The following PHC2 variants were observed in gnomAD, a reference collection of about 807,000 sequenced individuals.
PHC2 encodes the protein polyhomeotic homolog 2.
A neutral mutation model predicts 87.4 loss-of-function variants in PHC2; 29 were observed. The observed-to-expected ratio is 0.33, with a 90% CI of 0.25 to 0.45. PHC2 has a LOEUF of 0.45. Among genes scored for constraint, PHC2 ranks in the 20% least tolerant of loss-of-function variants. The pLI is 1.00. For missense variants in PHC2, 857 were observed against 1,136.7 expected (o/e 0.75, Z 3.54); for synonymous variants, 438 against 461.7 (o/e 0.95, Z 0.66).
chr1:33,349,551 C>T lies in PHC2; in HGVS notation c.1558+4850G>A, dbSNP rs1004749333. ...ACTTCCAGTGCGGCGAGCGCGGCCCCCGGCCTCCCTACTGGCGAGAACCCC... is the reference window on the plus strand; with the variant it reads ...ACTTCCAGTGCGGCGAGCGCGGCCCTCGGCCTCCCTACTGGCGAGAACCCC... On this transcript the variant is annotated intron_variant, in intron 9 of 14. Transcript: ENST00000683057. This position sits in a 1 kb window ranked among gnomAD's most constrained non-coding sequence, Gnocchi z 4.2. 3.5e-5 allele frequency: 34 copies of T among 982,668 alleles called. No homozygotes were observed. The highest frequency in any genetic ancestry group is 4.1e-5 in the Non-Finnish European group (34 of 827,848). The allele number at this position is 982,668 out of a possible 1,614,324, so 60.9% of individuals were successfully genotyped here. A position where few individuals can be genotyped will look rare whatever the true frequency, so the allele number is the denominator to read the frequency against.
intron 1 of PHC2, among the ~76,000 whole-genome samples, chr1:33,379,703 T>C (rs1648396491): frequency 6.6e-6 from 1 of 150,626 alleles, no homozygotes; most frequent in South Asian, 2.1e-4. Flanking sequence ...CTTGGCTCTC[T>C]GGAATACGAG....
chr1:33,356,141 C>T (rs1279833761), intron 7 of PHC2, among the ~76,000 whole-genome samples: 2 of 151,382 alleles, frequency 1.3e-5, no homozygotes, highest in East Asian at 3.9e-4. Flanking sequence ...ATCTCTTTTT[C>T]CAGAACCTAC....
At position 33,356,276 on chromosome 1, in the gene PHC2, T is replaced by TATATATATATATATATATATATATAC. The variant is rs1557831073; in HGVS notation, c.977-1024_977-1023insGTATATATATATATATATATATATAT. Reference sequence around the variant, plus strand: ...ATATATATATATATATATATATATATGTATATATATATATATATTTATTTA... The same window carrying TATATATATATATATATATATATATAC: ...ATATATATATATATATATATATATATATATATATATATATATATATATATACGTATATATATATATATATTTATTTA... On this transcript the variant is annotated intron_variant, in intron 7 of 14. Transcript: ENST00000683057. 1.3e-3 allele frequency among the ~76,000 whole-genome samples: 75 copies of TATATATATATATATATATATATATAC among 59,370 alleles called. 2 individuals are homozygous for TATATATATATATATATATATATATAC. The highest frequency in any genetic ancestry group is 3.0e-3 in the East Asian group (7 of 2,308). 38.9% of individuals were successfully genotyped at this position (59,370 alleles called of 152,430 possible).
At chr1:33,363,979 T>C in intron 7 of PHC2, 2 of 824,280 alleles carry the variant, frequency 2.4e-6, no homozygotes, top group Non-Finnish European at 2.9e-6. Context: ...TAGGCTCTGT[T>C]CTCCGCCCCT....
At position 33,382,139 on chromosome 1, in the gene PHC2, T is replaced by G. The variant is rs4652870; in HGVS notation, c.-54-6546A>C. Among the ~76,000 whole-genome samples the G allele has an allele frequency of 0.72, 109,089 of 152,086 alleles. 39,886 individuals carry two copies. The highest frequency in any genetic ancestry group is 0.86 in the African/African-American group (35,775 of 41,490). On this transcript the variant is annotated intron_variant, in intron 1 of 14. Coordinates refer to ENST00000683057, the MANE Select transcript of PHC2 (RefSeq NM_001385109.1). The surrounding 1 kb of genome is among the most constrained non-coding windows in gnomAD (Gnocchi z 4.3). ...TTGAGTTGGAAGAAAACATAATTAG[T>G]AAGTGTGGACCCATATAACAGCTTT...
At chr1:33,338,809 C>T (rs1191828220) in intron 9 of PHC2, among the ~76,000 whole-genome samples, 2 of 151,948 alleles carry the variant, frequency 1.3e-5, no homozygotes, top group Non-Finnish European at 2.9e-5. Context: ...CACCTGAAAC[C>T]GAAAGGTGGA....
At chr1:33,421,509 T>C (rs374392062) in intron 1 of PHC2, among the ~76,000 whole-genome samples, 26 of 152,330 alleles carry the variant, frequency 1.7e-4, no homozygotes, top group African/African-American at 5.1e-4. Context: ...GAAGGAGTTA[T>C]GGGTGATGTC....
At position 33,372,436 on chromosome 1, in the gene PHC2, C is replaced by T; in HGVS notation, c.186G>A (p.Gln62=). The change falls in exon 3 of 15, where the codon CAG becomes CAA. Residue 62 remains glutamine (Q), a synonymous_variant. Coordinates refer to ENST00000683057, the MANE Select transcript of PHC2 (RefSeq NM_001385109.1). ...CCGTGCTGGGCTGTCTGTGCAGGGC[C>T]TGCTGGATCACCTGAGAAGGGAGGG... ...PDRQTVQVIQ[Q]ALHRQPSTAA... is the part of the protein sequence containing the mutation. 1 of 1,564,158 alleles carries T rather than the reference C, an allele frequency of 6.4e-7. No individual in the cohort carries two copies. Among genetic ancestry groups the T allele is most frequent in the Admixed American group, 1.8e-5 (1 of 54,942 alleles).
At chr1:33,375,184 T>C (rs1405974385) in intron 2 of PHC2, among the ~76,000 whole-genome samples, 182 bp downstream of exon 2, 1 of 152,156 alleles carries the variant, frequency 6.6e-6, no homozygotes, top group Non-Finnish European at 1.5e-5. Flanking sequence ...ACTCCTTGAT[T>C]GGGCCATTTT....
chr1:33,391,958 A>T (rs1221751360), intron 1 of PHC2, among the ~76,000 whole-genome samples: 1 of 152,144 alleles, frequency 6.6e-6, no homozygotes, highest in Non-Finnish European at 1.5e-5. Flanking sequence ...GGGAGCTCAA[A>T]AGGAAGGCAA....
chr1:33,370,739 G>A (rs529801340), intron 4 of PHC2, among the ~76,000 whole-genome samples, 154 bp from the exon 5 acceptor site: 1 of 152,226 alleles, frequency 6.6e-6, no homozygotes, highest in African/African-American at 2.4e-5. Context: ...CAATCCCCCA[G>A]CCCTGTCCCA....
At position 33,367,257 on chromosome 1, in the gene PHC2, C is replaced by T; in HGVS notation, c.835G>A (p.Ala279Thr). 4 of 1,614,178 alleles carry T rather than the reference C, an allele frequency of 2.5e-6. No individual in the cohort carries two copies. Among genetic ancestry groups the T allele is most frequent in the Non-Finnish European group, 3.4e-6 (4 of 1,180,024 alleles). ...ACACTGTCAGCTATGCCAGGCTTGG[C>T]ACCTGCAGGGGAAGCCTGAGCAGTA... ...RNTAQASPAG[A>T]KPGIADSVME... The change falls in exon 7 of 15, where the codon GCC (alanine) becomes ACC (threonine). Residue 279 changes from alanine to threonine, a missense_variant. Ala to Thr is a moderately conservative substitution (Grantham distance 58). Coordinates refer to ENST00000683057, the MANE Select transcript of PHC2 (RefSeq NM_001385109.1).
intron 1 of PHC2, among the ~76,000 whole-genome samples, chr1:33,387,151 T>C (rs188852764): frequency 5.9e-5 from 9 of 152,334 alleles, no homozygotes; most frequent in Admixed American, 3.9e-4. Flanking sequence ...TCGGGCTGTA[T>C]CTTAGGCCTA....
In PHC2 at chr1:33,331,231, AG is replaced by A; in HGVS notation, c.2006+116del. The A allele has an allele frequency of 3.7e-6, 2 of 535,494 alleles. No individual in the cohort carries two copies. Among genetic ancestry groups the A allele is most frequent in the South Asian group, 3.1e-5 (1 of 32,192 alleles). 33.2% of individuals were successfully genotyped at this position (535,494 alleles called of 1,614,324 possible). A position where few individuals can be genotyped will look rare whatever the true frequency, so the allele number is the denominator to read the frequency against. On this transcript the variant is annotated intron_variant, in intron 12 of 14. Transcript: ENST00000683057. The surrounding 1 kb of genome is among the most constrained non-coding windows in gnomAD (Gnocchi z 5.2). Reference sequence around the variant, plus strand: ...TGCCATCCTGCTTCCAGGTGGGTCGAGGAACTAGGAAACTGGAGAAGCCACC... The same window carrying A: ...TGCCATCCTGCTTCCAGGTGGGTCGAGAACTAGGAAACTGGAGAAGCCACC...
At chr1:33,375,320 TGGAGATGATTAA>T in intron 2 of PHC2, 34 bp downstream of exon 2, 1 of 1,416,720 alleles carries the variant, frequency 7.1e-7, no homozygotes, top group Non-Finnish European at 9.5e-7. Flanking sequence ...TTGCTAGCCC[TGGAGATGATTAA>T]GGAGTATAAT....
chr1:33,423,629 A>G (rs1361922124), intron 1 of PHC2, among the ~76,000 whole-genome samples: 1 of 152,218 alleles, frequency 6.6e-6, no homozygotes, highest in Non-Finnish European at 1.5e-5. Flanking sequence ...CAGAAGCAGA[A>G]TTTTATTTCT....
intron 1 of PHC2, among the ~76,000 whole-genome samples, chr1:33,404,298 G>C (rs1204257015): frequency 6.6e-6 from 1 of 151,830 alleles, no homozygotes; most frequent in African/African-American, 2.4e-5. Context: ...TTCTTCCTAG[G>C]AAAAGGTTGA....
At chr1:33,371,464 A>G (rs567937481) in intron 3 of PHC2, among the ~76,000 whole-genome samples, 22 of 151,238 alleles carry the variant, frequency 1.5e-4, no homozygotes, top group African/African-American at 2.2e-4. Context: ...CATCACACCC[A>G]GCCACCACCA....
chr1:33,379,607 T>C (rs373995860), intron 1 of PHC2, among the ~76,000 whole-genome samples: 4 of 148,286 alleles, frequency 2.7e-5, no homozygotes, highest in African/African-American at 1.0e-4. Context: ...CTCACACCTG[T>C]GCCCATGCTC....
Sources: gnomAD v4.1 joint callset for allele counts (sites outside exome capture counted in the v4.1 genomes callset) on GRCh38, gnomAD v4.1.1 for gene constraint, Gnocchi (gnomAD v3.1) non-coding constraint, MANE v1.5 for transcripts, NCBI Gene and HGNC (gene_info 2026-07-23, HGNC 2026-07-21) for gene names.